Variants in IFT81 observed in about 807,000 individuals in gnomAD.
IFT81 encodes intraflagellar transport 81, also known as intraflagellar transport protein 81 homolog.
IFT81 carries 72 observed loss-of-function variants against 102.6 expected under a neutral mutation model. The observed-to-expected ratio is 0.70, with a 90% confidence interval of 0.58 to 0.85. The LOEUF (loss-of-function observed/expected upper bound fraction) is 0.85, where lower values mean the gene tolerates loss of function less well. Among genes scored for constraint, IFT81 ranks in the 40% least tolerant of loss-of-function variants. IFT81 has a pLI of 0.00. For synonymous variants in IFT81, 237 were observed against 242.7 expected, an observed-to-expected ratio of 0.98 and a Z score of 0.22; for missense variants, 723 against 787.3, an observed-to-expected ratio of 0.92 and a Z score of 0.98.
chr12:110,211,099 G>A (rs1303346667), intron 18 of IFT81, among the ~76,000 whole-genome samples: 2 of 149,298 alleles, frequency 1.3e-5, no homozygotes, highest in African/African-American at 4.9e-5. Flanking sequence ...GGGCTCAAGC[G>A]ATCCTCCCAC....
At chr12:110,152,072 G>T (rs896514704) in intron 10 of IFT81, among the ~76,000 whole-genome samples, 3 of 152,130 alleles carry the variant, frequency 2.0e-5, no homozygotes, top group Non-Finnish European at 4.4e-5. Flanking sequence ...TACATGGGTT[G>T]ATTCCATATG....
chr12:110,215,788 T>A (rs1377947447), intron 18 of IFT81, among the ~76,000 whole-genome samples: 2 of 152,100 alleles, frequency 1.3e-5, no homozygotes, highest in African/African-American at 4.8e-5. Flanking sequence ...AATATAGAAC[T>A]AAAGTATATT....
In IFT81 at chr12:110,162,770, T is replaced by A. The variant is rs1021093635; in HGVS notation, c.1042-149T>A. 4 of 594,790 alleles carry A rather than the reference T, an allele frequency of 6.7e-6. No individual in the cohort carries two copies. In the African/African-American group the frequency reaches 7.4e-5, roughly 11 times the overall value. The allele number at this position is 594,790 out of a possible 1,614,324, so 36.8% of individuals were successfully genotyped here. ...TCATATTCAATATAATTGGTGATGA[T>A]GAGTAGTAGGGCAAGGAGTATTGGT... On this transcript the variant is annotated intron_variant, in intron 10 of 18. Coordinates refer to ENST00000242591, the MANE Select transcript of IFT81 (RefSeq NM_014055.4).
intron 11 of IFT81, among the ~76,000 whole-genome samples, chr12:110,176,759 A>G (rs988363147): frequency 2.0e-5 from 3 of 152,248 alleles, no homozygotes; most frequent in African/African-American, 7.2e-5. Context: ...CTACTCTTCC[A>G]TTAGTTATTA....
intron 5 of IFT81, 131 bp from the exon 6 acceptor site, chr12:110,134,817 G>A: frequency 1.5e-6 from 1 of 663,124 alleles, no homozygotes; most frequent in Non-Finnish European, 2.5e-6. Flanking sequence ...TCATCCAAAA[G>A]AGGATCTTGG....
intron 11 of IFT81, among the ~76,000 whole-genome samples, chr12:110,179,828 A>G (rs898378113): frequency 2.2e-5 from 3 of 138,138 alleles, no homozygotes; most frequent in African/African-American, 7.8e-5. Context: ...TACATATATT[A>G]AACATATACA....
intron 14 of IFT81, among the ~76,000 whole-genome samples, chr12:110,201,501 G>A (rs897226807): frequency 2.6e-5 from 4 of 151,974 alleles, no homozygotes; most frequent in African/African-American, 9.7e-5. Context: ...CACCATCATG[G>A]CTCACTGCAG....
Position 110,166,533 on chromosome 12 carries a change from G to T in IFT81, c.1188+3468G>T, listed in dbSNP as rs554380248. Among the ~76,000 whole-genome samples, 8 of 152,086 alleles carry T rather than the reference G, an allele frequency of 5.3e-5. No individual in the cohort carries two copies. The South Asian group carries it at 1.7e-3, about 32-fold the overall frequency. ...AAATGGTAAAAGTGGTAAATTTTAT[G>T]TTATCTCACAATATACCCTAATTCA... On this transcript the variant is annotated intron_variant, in intron 11 of 18. Coordinates refer to ENST00000242591, the MANE Select transcript of IFT81 (RefSeq NM_014055.4).
chr12:110,201,861 A>G (rs1898297876), intron 14 of IFT81, among the ~76,000 whole-genome samples: 1 of 152,170 alleles, frequency 6.6e-6, no homozygotes, highest in Non-Finnish European at 1.5e-5. Context: ...TCCCACTGAA[A>G]GGTCTTCAAG....
intron 2 of IFT81, among the ~76,000 whole-genome samples, chr12:110,127,837 C>T (rs1250684613): frequency 1.3e-5 from 2 of 152,086 alleles, no homozygotes; most frequent in Non-Finnish European, 1.5e-5. Flanking sequence ...CCACTGGATA[C>T]TTTTTTTGAA....
chr12:110,173,229 C>A (rs1345327274), intron 11 of IFT81, among the ~76,000 whole-genome samples: 1 of 149,692 alleles, frequency 6.7e-6, no homozygotes, highest in Non-Finnish European at 1.5e-5. Flanking sequence ...TTCAGCCCCC[C>A]ACCCGGCCAG....
At position 110,136,778 on chromosome 12, in the gene IFT81, A is replaced by C; in HGVS notation, c.699A>C (p.Leu233=). The change falls in exon 8 of 19, where the codon CTA becomes CTC. Residue 233 remains leucine (L), a splice_region_variant and synonymous_variant. Coordinates refer to ENST00000242591, the MANE Select transcript of IFT81 (RefSeq NM_014055.4). ...ATCTATTTAATTGTATTTTAAAGCT[A>C]TTTCATGCAGTGCAAAGATTGCAAA... ...AQQKQEQKNQ[L]FHAVQRLQRV... is the part of the protein sequence containing the mutation. The C allele has an allele frequency of 1.2e-6, 2 of 1,600,910 alleles. No homozygotes were observed. The highest frequency in any genetic ancestry group is 2.2e-5 in the South Asian group (2 of 89,798).
intron 18 of IFT81, among the ~76,000 whole-genome samples, chr12:110,212,422 G>A (rs892888635): frequency 1.3e-5 from 2 of 151,748 alleles, no homozygotes; most frequent in Admixed American, 1.3e-4. Context: ...GCATGTGCCT[G>A]TGATCCTAGC....
chr12:110,180,596 C>T, intron 12 of IFT81, 25 bp downstream of exon 12: 1 of 1,550,916 alleles, frequency 6.4e-7, no homozygotes. Context: ...TCTTGGGCTA[C>T]TATAAATACA....
At chr12:110,216,034 A>G (rs931139740) in intron 18 of IFT81, among the ~76,000 whole-genome samples, 1 of 152,200 alleles carries the variant, frequency 6.6e-6, no homozygotes, top group African/African-American at 2.4e-5. Context: ...TCAGGATAAG[A>G]TAGAATATAA....
chr12:110,178,529 A>G (rs1897145403), intron 11 of IFT81, among the ~76,000 whole-genome samples: 1 of 150,888 alleles, frequency 6.6e-6, no homozygotes. Context: ...TTTCAACAAT[A>G]TGTTCATTAC....
intron 10 of IFT81, 29 bp from the exon 11 acceptor site, chr12:110,162,890 T>C: frequency 6.4e-7 from 1 of 1,556,910 alleles, no homozygotes; most frequent in South Asian, 1.2e-5. Flanking sequence ...GTATATCTTA[T>C]TATACCTTCA....
rs1566172325 is a variant in IFT81 at position 110,209,222 on chromosome 12, A to G, written c.1848+6A>G. ...AACAAGAAAACCTTGGAAAGGTAAG[A>G]ATTATTATTTATTTTTTTAAATGTG... On this transcript the variant is annotated splice_donor_region_variant and intron_variant, in intron 18 of 18. Coordinates refer to ENST00000242591, the MANE Select transcript of IFT81 (RefSeq NM_014055.4). 1 of 1,472,344 alleles carries G rather than the reference A, an allele frequency of 6.8e-7. No individual in the cohort carries two copies. The highest frequency in any genetic ancestry group is 9.5e-7 in the Non-Finnish European group (1 of 1,057,732). 91.2% of individuals were successfully genotyped at this position (1,472,344 alleles called of 1,614,324 possible). A position where few individuals can be genotyped will look rare whatever the true frequency, so the allele number is the denominator to read the frequency against.
At chr12:110,134,753 T>C (rs1396446067) in intron 5 of IFT81, among the ~76,000 whole-genome samples, 195 bp from the exon 6 acceptor site, 6 of 152,160 alleles carry the variant, frequency 3.9e-5, no homozygotes, top group Non-Finnish European at 8.8e-5. Context: ...AACACCAAGC[T>C]GCCAAAAAAA....
Sources: gnomAD v4.1 joint callset for allele counts (sites outside exome capture counted in the v4.1 genomes callset) on GRCh38, gnomAD v4.1.1 for gene constraint, MANE v1.5 for transcripts, NCBI Gene and HGNC (gene_info 2026-07-23, HGNC 2026-07-21) for gene names.